Variants in DOCK3 observed in about 807,000 individuals in gnomAD.
DOCK3 encodes the protein dedicator of cytokinesis protein 3.
Under a neutral mutation model 265.6 loss-of-function variants are expected in DOCK3, and 60 were observed. The ratio of observed to expected loss-of-function variants is 0.23; its 90% CI spans 0.18 to 0.28. The LOEUF (loss-of-function observed/expected upper bound fraction) is 0.28. DOCK3 is among the 10% of genes least tolerant of loss of function. The pLI is 1.00. For missense variants in DOCK3, 1,981 were observed against 2,594.3 expected (o/e 0.76, Z 5.14); for synonymous variants, 881 against 938.0 (o/e 0.94, Z 1.11).
intron 1 of DOCK3, among the ~76,000 whole-genome samples, chr3:50,730,264 C>A (rs1020197753): frequency 3.3e-5 from 5 of 152,146 alleles, no homozygotes; most frequent in African/African-American, 1.2e-4. Context: ...GCCTCAGCCT[C>A]CCAAGTGGTT....
intron 12 of DOCK3, among the ~76,000 whole-genome samples, chr3:51,168,274 G>A (rs951557077): frequency 4.6e-5 from 7 of 152,154 alleles, no homozygotes; most frequent in Non-Finnish European, 7.4e-5. Context: ...AAAAGAGCCC[G>A]AATGGCTAAG....
In DOCK3 at chr3:51,280,302, C is replaced by T. The variant is rs1428822949; in HGVS notation, c.2922+98C>T. 7 of 1,131,498 alleles carry T rather than the reference C, an allele frequency of 6.2e-6. No homozygotes were observed. In the Admixed American group the frequency reaches 1.6e-4, roughly 26 times the overall value. The allele number at this position is 1,131,498 out of a possible 1,614,324, so 70.1% of individuals were successfully genotyped here. A position where few individuals can be genotyped will look rare whatever the true frequency, so the allele number is the denominator to read the frequency against. On this transcript the variant is annotated intron_variant, in intron 27 of 52. Transcript: ENST00000266037. ...CAGGGGGATGAATGCAAGTGACTAGCATTGCCACGGGTGTAGGATTCACCA... is the reference window on the plus strand; with the variant it reads ...CAGGGGGATGAATGCAAGTGACTAGTATTGCCACGGGTGTAGGATTCACCA...
At chr3:50,781,154 T>C (rs1356140850) in intron 2 of DOCK3, among the ~76,000 whole-genome samples, 3 of 151,628 alleles carry the variant, frequency 2.0e-5, no homozygotes, top group Non-Finnish European at 2.9e-5. Context: ...TTCTGTTCCA[T>C]TGGATAAAAT....
At chr3:50,820,189 A>C (rs1028816932) in intron 2 of DOCK3, among the ~76,000 whole-genome samples, 1 of 152,096 alleles carries the variant, frequency 6.6e-6, no homozygotes, top group Non-Finnish European at 1.5e-5. Flanking sequence ...TTATTCCTTT[A>C]TTTTCTTAAT....
chr3:51,366,642 T>G (rs973637759), intron 49 of DOCK3, among the ~76,000 whole-genome samples: 1 of 152,146 alleles, frequency 6.6e-6, no homozygotes, highest in African/African-American at 2.4e-5. Flanking sequence ...ATAAATTTCC[T>G]TCTACACACT....
intron 36 of DOCK3, 25 bp downstream of exon 36, chr3:51,338,444 C>G (rs1160097856): frequency 1.3e-6 from 2 of 1,551,622 alleles, no homozygotes; most frequent in South Asian, 2.4e-5. Context: ...GCCCTGACTT[C>G]TCTCTGCCTA....
intron 3 of DOCK3, among the ~76,000 whole-genome samples, chr3:50,850,766 G>C (rs1318409316): frequency 6.6e-6 from 1 of 152,102 alleles, no homozygotes; most frequent in African/African-American, 2.4e-5. Context: ...CTTTGCTTCT[G>C]TAGTCCTATG....
At chr3:50,737,215 G>A (rs966858153) in intron 1 of DOCK3, among the ~76,000 whole-genome samples, 6 of 152,060 alleles carry the variant, frequency 3.9e-5, no homozygotes, top group Non-Finnish European at 8.8e-5. Context: ...ATTAGATCCC[G>A]TTTGTCAATT....
chr3:51,028,534 G>GT (rs1488014061), intron 5 of DOCK3, among the ~76,000 whole-genome samples: 32 of 151,882 alleles, frequency 2.1e-4, no homozygotes, highest in African/African-American at 6.3e-4. Flanking sequence ...CTTACTTTCT[G>GT]TTTTTTTCTC....
At chr3:51,100,944 G>A (rs980118004) in intron 9 of DOCK3, among the ~76,000 whole-genome samples, 4 of 151,364 alleles carry the variant, frequency 2.6e-5, no homozygotes, top group East Asian at 1.9e-4. Context: ...ACAGGTGCAC[G>A]CCACCACGCC....
intron 1 of DOCK3, among the ~76,000 whole-genome samples, chr3:50,757,067 G>T (rs1399113927): frequency 2.6e-5 from 4 of 150,992 alleles, no homozygotes. Flanking sequence ...TGCTCAGGCT[G>T]ATCTTGAACT....
At chr3:51,228,234 C>A in intron 17 of DOCK3, 146 bp downstream of exon 17, 1 of 765,174 alleles carries the variant, frequency 1.3e-6, no homozygotes, top group Non-Finnish European at 2.2e-6. Context: ...CATCTGTGGG[C>A]AGGCTTCTGT....
At chr3:51,031,134 A>C (rs1327506998) in intron 5 of DOCK3, among the ~76,000 whole-genome samples, 1 of 152,198 alleles carries the variant, frequency 6.6e-6, no homozygotes, top group Non-Finnish European at 1.5e-5. Context: ...CTATGTCTAT[A>C]ACAATTACTT....
rs183297911 is a variant in DOCK3 at position 51,089,929 on chromosome 3, G to T, written c.592-301G>T. Among the ~76,000 whole-genome samples, 564 of 136,508 alleles carry T rather than the reference G, an allele frequency of 4.1e-3. 3 individuals are homozygous for T. The highest frequency in any genetic ancestry group is 0.015 in the African/African-American group (530 of 36,504). The allele number at this position is 136,508 out of a possible 152,430, so 89.6% of individuals were successfully genotyped here. On this transcript the variant is annotated intron_variant, in intron 8 of 52. Coordinates refer to ENST00000266037, the MANE Select transcript of DOCK3 (RefSeq NM_004947.5). ...AAAAAAAAAAAAAAAAAAGGAAAAA[G>T]AAAATGGTTTCCTGGAGAACTAAGA...
At chr3:51,196,102 AT>A (rs34862284) in intron 12 of DOCK3, among the ~76,000 whole-genome samples, 126,647 of 142,632 alleles carry the variant, frequency 0.89, 56,271 homozygotes, top group African/African-American at 0.94. Context: ...CGCCCAGCTA[AT>A]TTTTTTTTTT....
intron 43 of DOCK3, among the ~76,000 whole-genome samples, 180 bp downstream of exon 43, chr3:51,356,673 C>A (rs2086387274): frequency 6.6e-6 from 1 of 152,168 alleles, no homozygotes; most frequent in Non-Finnish European, 1.5e-5. Flanking sequence ...CCATACAACA[C>A]CCCTGAGCAG....
At chr3:50,805,524 A>G (rs2043358812) in intron 2 of DOCK3, among the ~76,000 whole-genome samples, 1 of 152,172 alleles carries the variant, frequency 6.6e-6, no homozygotes, top group South Asian at 2.1e-4. Flanking sequence ...TCTTAGGCCC[A>G]GGATGCAGGC....
chr3:50,723,810 C>T (rs951426371), intron 1 of DOCK3, among the ~76,000 whole-genome samples: 1 of 152,130 alleles, frequency 6.6e-6, no homozygotes, highest in Non-Finnish European at 1.5e-5. Context: ...GACTAAAACA[C>T]CAAAAGCAAT....
At chr3:51,052,844 C>T (rs1174260343) in intron 5 of DOCK3, among the ~76,000 whole-genome samples, 1 of 151,822 alleles carries the variant, frequency 6.6e-6, no homozygotes, top group Non-Finnish European at 1.5e-5. Context: ...TTTCATTTCT[C>T]ATCCACTCTA....
Sources: allele counts gnomAD v4.1 joint callset (sites outside exome capture counted in the v4.1 genomes callset), GRCh38; gene constraint gnomAD v4.1.1; transcripts MANE v1.5; gene names NCBI Gene and HGNC (gene_info 2026-07-23, HGNC 2026-07-21).